The following INAFM1 variants were observed in gnomAD, a reference collection of about 807,000 sequenced individuals.
INAFM1 encodes the protein InaF motif containing 1.
In INAFM1, 11 loss-of-function variants were observed where a neutral mutation model predicts 9.4. The ratio of observed to expected loss-of-function variants is 1.17; its 90% confidence interval spans 0.74 to 1.94. The LOEUF is 1.94. Among genes scored for constraint, INAFM1 ranks in the 30% most tolerant of loss-of-function variants. The probability of loss-of-function intolerance (pLI) is 0.00; values close to 1 mark genes in which losing one functional copy is unlikely to be tolerated. For missense variants in INAFM1, 318 were observed against 221.6 expected (o/e 1.44, Z -2.76); for synonymous variants, 161 against 109.5 (o/e 1.47, Z -2.94).
In INAFM1 at chr19:47,275,431, C is replaced by T. The variant is rs925597701; in HGVS notation, c.*83C>T. The stretch of plus-strand genomic sequence containing the variant: ...GAGGATGCACCGTCTCTGGATTGGT[C>T]CGGCCTTCTTCCTAATGACATCGCT... On this transcript the variant is annotated 3_prime_UTR_variant, in exon 1 of 1. Transcript: ENST00000552360. The T allele has an allele frequency of 8.1e-5, 117 of 1,453,126 alleles. No homozygotes were observed. The highest frequency in any genetic ancestry group is 1.0e-4 in the Non-Finnish European group (112 of 1,097,506). 90.0% of individuals were successfully genotyped at this position (1,453,126 alleles called of 1,614,324 possible). A position where few individuals can be genotyped will look rare whatever the true frequency, so the allele number is the denominator to read the frequency against.
Position 47,275,087 on chromosome 19 carries a change from A to G in INAFM1, c.168A>G (p.Val56=). 6.7e-7 allele frequency: 1 copy of G among 1,493,412 alleles called. No individual in the cohort carries two copies. Among genetic ancestry groups the G allele is most frequent in the Non-Finnish European group, 8.9e-7 (1 of 1,125,674 alleles). The allele number at this position is 1,493,412 out of a possible 1,614,324, so 92.5% of individuals were successfully genotyped here. Residue 56 remains valine, a synonymous_variant, in exon 1 of 1, where the codon GTA becomes GTG. Coordinates refer to ENST00000552360, the MANE Select transcript of INAFM1 (RefSeq NM_178511.6). The part of the protein sequence containing the change: ...LLAVYYGLIW[V]PTRSPAAPAG... ...CCGTGTACTACGGTCTCATCTGGGTACCCACGCGGTCTCCCGCGGCACCCG... is the reference window on the plus strand; with the variant it reads ...CCGTGTACTACGGTCTCATCTGGGTGCCCACGCGGTCTCCCGCGGCACCCG...
Position 47,274,927 on chromosome 19 carries a change from G to C in INAFM1, c.8G>C (p.Gly3Ala). ...GCCGAGTGGGCTGCGGGGATGCGGG[G>C]GACCAGCTGCGTGGGCGGCGGCGCC... MR[G>A]TSCVGGGAES... is the part of the protein sequence containing the mutation. Residue 3 changes from glycine (G) to alanine (A), a missense_variant, in exon 1 of 1, where the codon GGG becomes GCG. Physicochemically the swap from Gly to Ala is moderately conservative, Grantham distance 60 (BLOSUM62 0). Transcript: ENST00000552360. 7.5e-7 allele frequency: 1 copy of C among 1,328,440 alleles called. No individual in the cohort carries two copies. The highest frequency in any genetic ancestry group is 9.5e-7 in the Non-Finnish European group (1 of 1,049,982). The allele number at this position is 1,328,440 out of a possible 1,614,324, so 82.3% of individuals were successfully genotyped here.
rs1046963480 is a variant in INAFM1 at position 47,275,436 on chromosome 19, C to G, written c.*88C>G. 1 of 1,441,642 alleles carries G rather than the reference C, an allele frequency of 6.9e-7. No homozygotes were observed. The highest frequency in any genetic ancestry group is 9.2e-7 in the Non-Finnish European group (1 of 1,090,596). 89.3% of individuals were successfully genotyped at this position (1,441,642 alleles called of 1,614,324 possible). ...TGCACCGTCTCTGGATTGGTCCGGC[C>G]TTCTTCCTAATGACATCGCTCAGCG... On this transcript the variant is annotated 3_prime_UTR_variant, in exon 1 of 1. Coordinates refer to ENST00000552360, the MANE Select transcript of INAFM1 (RefSeq NM_178511.6).
rs564593706 is a variant in INAFM1 at position 47,274,970 on chromosome 19, G to C, written c.51G>C (p.Ala17=). The change falls in exon 1 of 1, where the codon GCG becomes GCC. Residue 17 remains alanine (A), a synonymous_variant. Coordinates refer to ENST00000552360, the MANE Select transcript of INAFM1 (RefSeq NM_178511.6). ...GCGGCGCCGAGAGCCCCGGAGGCGC[G>C]GGGCTGAGCGAGGGCCCGCGGGGGC... ...VGGGAESPGG[A]GLSEGPRGRW... is the part of the protein sequence containing the mutation. 1 of 1,442,256 alleles carries C rather than the reference G, an allele frequency of 6.9e-7. No homozygotes were observed. The highest frequency in any genetic ancestry group is 9.1e-7 in the Non-Finnish European group (1 of 1,101,432). 89.3% of individuals were successfully genotyped at this position (1,442,256 alleles called of 1,614,324 possible). A position where few individuals can be genotyped will look rare whatever the true frequency, so the allele number is the denominator to read the frequency against.
Position 47,274,995 on chromosome 19 carries a change from C to T in INAFM1, c.76C>T (p.Arg26Cys). ...GAGLSEGPRGRWLRLAPVCAY... is the reference protein window; with the variant it reads ...GAGLSEGPRGCWLRLAPVCAY... ...GGGGCTGAGCGAGGGCCCGCGGGGG[C>T]GCTGGCTGCGCTTGGCTCCGGTATG... The change falls in exon 1 of 1, where the codon CGC (arginine) becomes TGC (cysteine). Residue 26 changes from arginine to cysteine, a missense_variant. Physicochemically the swap from Arg to Cys is radical, Grantham distance 180. Transcript: ENST00000552360. 1 of 1,470,374 alleles carries T rather than the reference C, an allele frequency of 6.8e-7. No individual in the cohort carries two copies. Among genetic ancestry groups the T allele is most frequent in the African/African-American group, 1.5e-5 (1 of 68,068 alleles). The allele number at this position is 1,470,374 out of a possible 1,614,324, so 91.1% of individuals were successfully genotyped here. A position where few individuals can be genotyped will look rare whatever the true frequency, so the allele number is the denominator to read the frequency against.
chr19:47,274,868 G>GT, upstream of INAFM1: 1 of 1,182,156 alleles, frequency 8.5e-7, no homozygotes, highest in Non-Finnish European at 1.0e-6. Flanking sequence ...GCGGGGCCTG[G>GT]TGGGGGCGGG....
In INAFM1 at chr19:47,275,325, G is replaced by A; in HGVS notation, c.406G>A (p.Ala136Thr). ...RQTPRETPEA[A>T]EGRRPG Reference sequence around the variant, plus strand: ...GACACCCAGAGAGACGCCAGAGGCCGCGGAGGGGCGAAGACCCGGGTAACT... The same window carrying A: ...GACACCCAGAGAGACGCCAGAGGCCACGGAGGGGCGAAGACCCGGGTAACT... Residue 136 changes from alanine to threonine, a missense_variant, in exon 1 of 1, where the codon GCG (alanine) becomes ACG (threonine). By Grantham distance (58) the Ala-to-Thr change is moderately conservative. Transcript: ENST00000552360. 1.9e-6 allele frequency: 3 copies of A among 1,545,734 alleles called. No homozygotes were observed. Among genetic ancestry groups the A allele is most frequent in the African/African-American group, 2.8e-5 (2 of 72,302 alleles).
Position 47,275,397 on chromosome 19 carries a change from C to T in INAFM1, c.*49C>T, listed in dbSNP as rs765284106. ...ATCGCCAGCCCTCGAGAGCTCTGTG[C>T]TCCACGCCGAGGATGCACCGTCTCT... On this transcript the variant is annotated 3_prime_UTR_variant, in exon 1 of 1. Coordinates refer to ENST00000552360, the MANE Select transcript of INAFM1 (RefSeq NM_178511.6). 2 of 1,515,164 alleles carry T rather than the reference C, an allele frequency of 1.3e-6. No homozygotes were observed. The highest frequency in any genetic ancestry group is 1.2e-5 in the South Asian group (1 of 81,774). The allele number at this position is 1,515,164 out of a possible 1,614,324, so 93.9% of individuals were successfully genotyped here. A position where few individuals can be genotyped will look rare whatever the true frequency, so the allele number is the denominator to read the frequency against.
At position 47,275,209 on chromosome 19, in the gene INAFM1, T is replaced by G. The variant is rs2059150823; in HGVS notation, c.290T>G (p.Leu97Arg). ...APAAASLSCL[L>R]GVPGGPRPQL... ...GCCGCTGCCTCCCTCTCCTGCCTCC[T>G]GGGAGTCCCCGGCGGGCCGCGACCC... The change falls in exon 1 of 1, where the codon CTG becomes CGG. Residue 97 changes from leucine to arginine, a missense_variant. Coordinates refer to ENST00000552360, the MANE Select transcript of INAFM1 (RefSeq NM_178511.6). 1 of 1,525,336 alleles carries G rather than the reference T, an allele frequency of 6.6e-7. No individual in the cohort carries two copies. The highest frequency in any genetic ancestry group is 8.8e-7 in the Non-Finnish European group (1 of 1,137,532). 94.5% of individuals were successfully genotyped at this position (1,525,336 alleles called of 1,614,324 possible).
chr19:47,275,328 G>GA lies in INAFM1; in HGVS notation c.410dup (p.Arg139AlafsTer38), dbSNP rs1177679209. Reference sequence around the variant, plus strand: ...ACCCAGAGAGACGCCAGAGGCCGCGGAGGGGCGAAGACCCGGGTAACTCTC... The same window carrying GA: ...ACCCAGAGAGACGCCAGAGGCCGCGGAAGGGGCGAAGACCCGGGTAACTCTC... On this transcript the variant is annotated frameshift_variant, in exon 1 of 1. Transcript: ENST00000552360. LOFTEE classifies it high-confidence loss of function. The GA allele has an allele frequency of 1.3e-6, 2 of 1,545,718 alleles. No homozygotes were observed. The highest frequency in any genetic ancestry group is 1.7e-6 in the Non-Finnish European group (2 of 1,144,900).
Position 47,275,676 on chromosome 19 carries a change from A to G in INAFM1, c.*328A>G, listed in dbSNP as rs958304955. 2.8e-5 allele frequency: 11 copies of G among 391,218 alleles called. No homozygotes were observed. The highest frequency in any genetic ancestry group is 4.8e-5 in the Non-Finnish European group (10 of 208,856). 24.2% of individuals were successfully genotyped at this position (391,218 alleles called of 1,614,324 possible). ...CCCTGAATCCGTGTCCATCTGCAAT[A>G]AACGACAGCCTCGGCTGCCTCGTGC... On this transcript the variant is annotated 3_prime_UTR_variant, in exon 1 of 1. Coordinates refer to ENST00000552360, the MANE Select transcript of INAFM1 (RefSeq NM_178511.6).
upstream of INAFM1, chr19:47,274,866 T>C: frequency 1.2e-6 from 1 of 857,614 alleles, no homozygotes; most frequent in Non-Finnish European, 1.3e-6. Context: ...GGGCGGGGCC[T>C]GGTGGGGGCG....
rs2059155251 is a variant in INAFM1 at position 47,275,584 on chromosome 19, CT to C, written c.*237del. On this transcript the variant is annotated 3_prime_UTR_variant, in exon 1 of 1. Transcript: ENST00000552360. ...CATCAGGAAGATCCCATCCTGAGCT[CT>C]GTCTCCTGCCCCTCCTGCTGTGGGA... is the stretch of plus-strand genomic sequence containing the variant. 1 of 570,662 alleles carries C rather than the reference CT, an allele frequency of 1.8e-6. No homozygotes were observed. Among genetic ancestry groups the C allele is most frequent in the Non-Finnish European group, 3.1e-6 (1 of 325,016 alleles). 35.3% of individuals were successfully genotyped at this position (570,662 alleles called of 1,614,324 possible). A position where few individuals can be genotyped will look rare whatever the true frequency, so the allele number is the denominator to read the frequency against.
In INAFM1 at chr19:47,275,031, C is replaced by G. The variant is rs1181159300; in HGVS notation, c.112C>G (p.Leu38Val). The G allele has an allele frequency of 6.7e-7, 1 of 1,489,542 alleles. No homozygotes were observed. The highest frequency in any genetic ancestry group is 1.5e-5 in the African/African-American group (1 of 68,448). The allele number at this position is 1,489,542 out of a possible 1,614,324, so 92.3% of individuals were successfully genotyped here. ...CTTGGCTCCGGTATGCGCCTACTTC[C>G]TCTGCGTCTCGCTAGCTGCCGTGCT... ...LRLAPVCAYF[L>V]CVSLAAVLLA... The change falls in exon 1 of 1, where the codon CTC becomes GTC. Residue 38 changes from leucine (L) to valine (V), a missense_variant. Transcript: ENST00000552360.
rs1308567644 is a variant in INAFM1 at position 47,274,924 on chromosome 19, G to A, written c.5G>A (p.Arg2Gln). The A allele has an allele frequency of 6.6e-5, 88 of 1,324,048 alleles. No individual in the cohort carries two copies. Among genetic ancestry groups the A allele is most frequent in the Non-Finnish European group, 7.8e-5 (82 of 1,047,708 alleles). 82.0% of individuals were successfully genotyped at this position (1,324,048 alleles called of 1,614,324 possible). The change falls in exon 1 of 1, where the codon CGG becomes CAG. Residue 2 changes from arginine to glutamine, a missense_variant. Coordinates refer to ENST00000552360, the MANE Select transcript of INAFM1 (RefSeq NM_178511.6). The stretch of plus-strand genomic sequence containing the variant: ...GGAGCCGAGTGGGCTGCGGGGATGC[G>A]GGGGACCAGCTGCGTGGGCGGCGGC... M[R>Q]GTSCVGGGAE... is the part of the protein sequence containing the mutation.
rs906673386 is a variant in INAFM1 at position 47,275,566 on chromosome 19, A to T, written c.*218A>T. 1.1e-5 allele frequency: 7 copies of T among 610,752 alleles called. No homozygotes were observed. In the African/African-American group the frequency reaches 1.4e-4, roughly 12 times the overall value. 37.8% of individuals were successfully genotyped at this position (610,752 alleles called of 1,614,324 possible). A position where few individuals can be genotyped will look rare whatever the true frequency, so the allele number is the denominator to read the frequency against. The stretch of plus-strand genomic sequence containing the variant: ...TCAGGCCGGGTCCTCCACCATCAGG[A>T]AGATCCCATCCTGAGCTCTGTCTCC... On this transcript the variant is annotated 3_prime_UTR_variant, in exon 1 of 1. Transcript: ENST00000552360.
Position 47,274,933 on chromosome 19 carries a change from G to C in INAFM1, c.14G>C (p.Ser5Thr). 7.5e-7 allele frequency: 1 copy of C among 1,340,678 alleles called. No individual in the cohort carries two copies. The highest frequency in any genetic ancestry group is 9.5e-7 in the Non-Finnish European group (1 of 1,056,146). The allele number at this position is 1,340,678 out of a possible 1,614,324, so 83.0% of individuals were successfully genotyped here. A position where few individuals can be genotyped will look rare whatever the true frequency, so the allele number is the denominator to read the frequency against. Residue 5 changes from serine to threonine, a missense_variant, in exon 1 of 1, where the codon AGC becomes ACC. Ser to Thr is a moderately conservative substitution (Grantham distance 58, BLOSUM62 1). Transcript: ENST00000552360. MRGT[S>T]CVGGGAESPG... is the part of the protein sequence containing the mutation. Reference sequence around the variant, plus strand: ...TGGGCTGCGGGGATGCGGGGGACCAGCTGCGTGGGCGGCGGCGCCGAGAGC... The same window carrying C: ...TGGGCTGCGGGGATGCGGGGGACCACCTGCGTGGGCGGCGGCGCCGAGAGC...
chr19:47,274,931 C>A lies in INAFM1; in HGVS notation c.12C>A (p.Thr4=). 3 of 1,333,148 alleles carry A rather than the reference C, an allele frequency of 2.3e-6. No homozygotes were observed. The highest frequency in any genetic ancestry group is 2.8e-6 in the Non-Finnish European group (3 of 1,053,598). 82.6% of individuals were successfully genotyped at this position (1,333,148 alleles called of 1,614,324 possible). MRG[T]SCVGGGAESP... is the part of the protein sequence containing the mutation. Reference sequence around the variant, plus strand: ...AGTGGGCTGCGGGGATGCGGGGGACCAGCTGCGTGGGCGGCGGCGCCGAGA... The same window carrying A: ...AGTGGGCTGCGGGGATGCGGGGGACAAGCTGCGTGGGCGGCGGCGCCGAGA... The change falls in exon 1 of 1, where the codon ACC becomes ACA. Residue 4 remains threonine (T), a synonymous_variant. Transcript: ENST00000552360.
At position 47,274,890 on chromosome 19, in the gene INAFM1, C is replaced by T. The variant is rs1338110974; in HGVS notation, c.-30C>T. ...CTGGTGGGGGCGGGGCCTGTGCGGTCTGCGGCGCGGAGCCGAGTGGGCTGC... is the reference window on the plus strand; with the variant it reads ...CTGGTGGGGGCGGGGCCTGTGCGGTTTGCGGCGCGGAGCCGAGTGGGCTGC... On this transcript the variant is annotated 5_prime_UTR_variant, in exon 1 of 1. Coordinates refer to ENST00000552360, the MANE Select transcript of INAFM1 (RefSeq NM_178511.6). 3 of 1,251,112 alleles carry T rather than the reference C, an allele frequency of 2.4e-6. No homozygotes were observed. The highest frequency in any genetic ancestry group is 1.7e-5 in the African/African-American group (1 of 60,318). The allele number at this position is 1,251,112 out of a possible 1,614,324, so 77.5% of individuals were successfully genotyped here.
Sources: allele counts gnomAD v4.1 joint callset, GRCh38; gene constraint gnomAD v4.1.1; transcripts MANE v1.5; gene names NCBI Gene and HGNC (gene_info 2026-07-23, HGNC 2026-07-21).